The following SETD2 variants were observed in gnomAD, a reference collection of about 807,000 sequenced individuals.
The protein encoded by SETD2 is histone-lysine N-methyltransferase SETD2.
A neutral mutation model predicts 242.1 loss-of-function variants in SETD2; 31 were observed. The ratio of observed to expected loss-of-function variants is 0.13; its 90% CI spans 0.10 to 0.17. The LOEUF is 0.17. SETD2 is among the 10% of genes least tolerant of loss of function. The pLI is 1.00. For synonymous variants in SETD2, 1,006 were observed against 1,066.5 expected (o/e 0.94, Z 1.11); for missense variants, 2,481 against 3,046.3 (o/e 0.81, Z 4.37).
Position 47,147,425 on chromosome 3 carries a change from C to T in SETD2, c.71+16429G>A, listed in dbSNP as rs1346674763. On this transcript the variant is annotated intron_variant, in intron 1 of 20. Coordinates refer to ENST00000409792, the MANE Select transcript of SETD2 (RefSeq NM_014159.7). ...ACAACCTCTGCCTCCTCGGTTCGAA[C>T]GATTCTCCTGCCTCAGCCGCCCGAC... 2.7e-5 allele frequency among the ~76,000 whole-genome samples: 4 copies of T among 150,102 alleles called. No individual in the cohort carries two copies. The East Asian group carries it at 7.9e-4, about 30-fold the overall frequency.
chr3:47,121,477 A>G lies in SETD2; in HGVS notation c.3159T>C (p.Asp1053=), dbSNP rs1389719873. 1 of 1,613,832 alleles carries G rather than the reference A, an allele frequency of 6.2e-7. No individual in the cohort carries two copies. The highest frequency in any genetic ancestry group is 2.2e-5 in the East Asian group (1 of 44,870). ...GAATACTGCTATCATCCGAATCTGTATCTTCTGAATCACTTTCATCATTTG... is the reference window on the plus strand; with the variant it reads ...GAATACTGCTATCATCCGAATCTGTGTCTTCTGAATCACTTTCATCATTTG... ...ESSNDESDSE[D]TDSDDSSIPR... is the part of the protein sequence containing the mutation. Residue 1053 remains aspartate (D), a synonymous_variant, in exon 3 of 21, where the codon GAT becomes GAC. Transcript: ENST00000409792.
chr3:47,064,687 A>G (rs1212193379), intron 13 of SETD2: 4 of 320,368 alleles, frequency 1.2e-5, no homozygotes, highest in Non-Finnish European at 2.0e-5. Context: ...AGTGTTTCAC[A>G]ATCCTTCCAA....
At chr3:47,144,565 C>T (rs1297056870) in intron 1 of SETD2, among the ~76,000 whole-genome samples, 1 of 152,208 alleles carries the variant, frequency 6.6e-6, no homozygotes, top group Non-Finnish European at 1.5e-5. Flanking sequence ...ATCGCTTGAA[C>T]CAGGGAGTCA....
At position 47,017,040 on chromosome 3, in the gene SETD2, C is replaced by T. The variant is rs2107483852; in HGVS notation, c.*53G>A. 2 of 1,565,312 alleles carry T rather than the reference C, an allele frequency of 1.3e-6. No individual in the cohort carries two copies. On this transcript the variant is annotated 3_prime_UTR_variant, in exon 21 of 21. Transcript: ENST00000409792. The surrounding 1 kb of genome is among the most constrained non-coding windows in gnomAD (Gnocchi z 4.8). ...GACAGAAAGGCCCACAGGATTTCCT[C>T]TCCCTAGAGTCTGTCTTACCTGACC...
At chr3:47,129,610 G>A (rs1255041057) in intron 1 of SETD2, among the ~76,000 whole-genome samples, 1 of 152,244 alleles carries the variant, frequency 6.6e-6, no homozygotes, top group African/African-American at 2.4e-5. Flanking sequence ...TACAGGCTGG[G>A]CGCAGTGGCT....
rs1480562530 is a variant in SETD2, at chr3:47,109,464, G to A, written c.4716-3344C>T. 2.6e-5 allele frequency among the ~76,000 whole-genome samples: 4 copies of A among 152,064 alleles called. No homozygotes were observed. In the East Asian group the frequency reaches 5.8e-4, roughly 22 times the overall value. On this transcript the variant is annotated intron_variant, in intron 5 of 20. Transcript: ENST00000409792. ...AGTTCGAGACCAACCTGGGCAACAC[G>A]GCAAAACCCTGTCTCTACTAAAAAT...
At chr3:47,048,173 A>G (rs993234137) in intron 15 of SETD2, among the ~76,000 whole-genome samples, 1 of 152,202 alleles carries the variant, frequency 6.6e-6, no homozygotes, top group African/African-American at 2.4e-5. Context: ...GCGGATCACG[A>G]GGTCAGGAGA....
In SETD2 at chr3:47,046,606, T is replaced by C. The variant is rs1468649782; in HGVS notation, c.6979A>G (p.Ser2327Gly). ...TGTTGCCCCTGGATATACTGAAGAC[T>C]TGGCTGGGCATAACTCTAAAAGATA... ...PPIVQSYAQPSLQYIQGQQIF... is the reference protein window; with the variant it reads ...PPIVQSYAQPGLQYIQGQQIF... The change falls in exon 16 of 21, where the codon AGT becomes GGT. Residue 2327 changes from serine to glycine, a missense_variant. By Grantham distance (56) the Ser-to-Gly change is moderately conservative. Around this residue, in one of 17 missense-constraint regions of SETD2, gnomAD observed 235 missense variants for 293.9 expected, o/e 0.80. Transcript: ENST00000409792. 6 of 1,611,070 alleles carry C rather than the reference T, an allele frequency of 3.7e-6. No homozygotes were observed. Among genetic ancestry groups the C allele is most frequent in the Admixed American group, 3.4e-5 (2 of 59,502 alleles).
chr3:47,079,900 C>T (rs2041252492), intron 12 of SETD2, among the ~76,000 whole-genome samples: 1 of 152,154 alleles, frequency 6.6e-6, no homozygotes, highest in African/African-American at 2.4e-5. Flanking sequence ...TTCAATGTTG[C>T]TGTAGCTAAA....
At chr3:47,090,194 C>A (rs1488895430) in intron 9 of SETD2, among the ~76,000 whole-genome samples, 1 of 151,900 alleles carries the variant, frequency 6.6e-6, no homozygotes, top group East Asian at 1.9e-4. Flanking sequence ...TTGCAGTGAA[C>A]CAAGATTGTG....
At position 47,046,555 on chromosome 3, in the gene SETD2, C is replaced by T. The variant is rs754588966; in HGVS notation, c.7030G>A (p.Val2344Met). 2 of 1,613,342 alleles carry T rather than the reference C, an allele frequency of 1.2e-6. No individual in the cohort carries two copies. Among genetic ancestry groups the T allele is most frequent in the East Asian group, 2.2e-5 (1 of 44,850 alleles). The change falls in exon 16 of 21, where the codon GTG (valine) becomes ATG (methionine). Residue 2344 changes from valine to methionine, a missense_variant. Val to Met is a conservative substitution (Grantham distance 21). Transcript: ENST00000409792. Reference sequence around the variant, plus strand: ...ACTGCTGCGGCTGGCTGTACCACCACTCCTTGTGGATGAGCTGTGAAAATC... The same window carrying T: ...ACTGCTGCGGCTGGCTGTACCACCATTCCTTGTGGATGAGCTGTGAAAATC... ...QQIFTAHPQG[V>M]VVQPAAAVTT... is the part of the protein sequence containing the mutation.
At chr3:47,139,873 A>T (rs2043685691) in intron 1 of SETD2, among the ~76,000 whole-genome samples, 1 of 152,198 alleles carries the variant, frequency 6.6e-6, no homozygotes, top group Non-Finnish European at 1.5e-5. Context: ...TAGCATGAGT[A>T]GACTTGATAT....
At position 47,017,200 on chromosome 3, in the gene SETD2, G is replaced by A. The variant is rs199973330; in HGVS notation, c.7588C>T (p.Leu2530=). Reference sequence around the variant, plus strand: ...TGTTTCACATTCTCATTGCACTCCAGGTCCTCAGGATTCTTACAGTACTTC... The same window carrying A: ...TGTTTCACATTCTCATTGCACTCCAAGTCCTCAGGATTCTTACAGTACTTC... ...ELKYCKNPED[L]ECNENVKHKT... Residue 2530 remains leucine, a synonymous_variant, in exon 21 of 21, where the codon CTG becomes TTG. Coordinates refer to ENST00000409792, the MANE Select transcript of SETD2 (RefSeq NM_014159.7). The surrounding 1 kb of genome is among the most constrained non-coding windows in gnomAD (Gnocchi z 4.8). 4 of 1,614,054 alleles carry A rather than the reference G, an allele frequency of 2.5e-6. No homozygotes were observed. In the Admixed American group the frequency reaches 6.7e-5, roughly 27 times the overall value.
At chr3:47,079,682 C>CT (rs2041244555) in intron 12 of SETD2, among the ~76,000 whole-genome samples, 1 of 152,282 alleles carries the variant, frequency 6.6e-6, no homozygotes, top group African/African-American at 2.4e-5. Context: ...CTACTCAACT[C>CT]TACCACTGAA....
chr3:47,148,394 G>A (rs1336574796), intron 1 of SETD2, among the ~76,000 whole-genome samples: 3 of 152,032 alleles, frequency 2.0e-5, no homozygotes, highest in African/African-American at 7.2e-5. Context: ...GCCTCCCAAA[G>A]TGCTCGGATT....
chr3:47,059,760 T>C (rs1490065195), intron 14 of SETD2, among the ~76,000 whole-genome samples: 1 of 151,828 alleles, frequency 6.6e-6, no homozygotes, highest in Non-Finnish European at 1.5e-5. Context: ...ATCATGATTG[T>C]GGTGGTGGTT....
Position 47,121,266 on chromosome 3 carries a change from C to G in SETD2, c.3370G>C (p.Ala1124Pro), listed in dbSNP as rs1317254716. ...AAAAACTTATCAGTTTGAGGACAGG[C>G]TTTACTTGCTATACTTTCAAATTTT... is the stretch of plus-strand genomic sequence containing the variant. Reference protein sequence around the residue: ...EEKFESIASKACPQTDKFFLH... With the variant: ...EEKFESIASKPCPQTDKFFLH... Residue 1124 changes from alanine (A) to proline (P), a missense_variant, in exon 3 of 21, where the codon GCC (alanine) becomes CCC (proline). Physicochemically the swap from Ala to Pro is conservative, Grantham distance 27. Transcript: ENST00000409792. 6.2e-7 allele frequency: 1 copy of G among 1,613,768 alleles called. No individual in the cohort carries two copies. The highest frequency in any genetic ancestry group is 8.5e-7 in the Non-Finnish European group (1 of 1,180,002).
chr3:47,138,291 A>T, intron 1 of SETD2: 1 of 308,282 alleles, frequency 3.2e-6, no homozygotes. Flanking sequence ...TTTTTTTGAA[A>T]CCAAGTCTCA....
chr3:47,039,070 T>C (rs2039154492), intron 17 of SETD2, among the ~76,000 whole-genome samples: 1 of 152,156 alleles, frequency 6.6e-6, no homozygotes, highest in African/African-American at 2.4e-5. Context: ...AGGCTCAAGA[T>C]TTCTACCATA....
Sources: gnomAD v4.1 joint callset for allele counts (sites outside exome capture counted in the v4.1 genomes callset) on GRCh38, gnomAD v4.1.1 for gene constraint, gnomAD v4.1.1 regional missense constraint, Gnocchi (gnomAD v3.1) non-coding constraint, MANE v1.5 for transcripts, NCBI Gene and HGNC (gene_info 2026-07-23, HGNC 2026-07-21) for gene names.